TENM2: variants seen among roughly 807,000 people sequenced by gnomAD.
The protein encoded by TENM2 is teneurin-2.
A neutral mutation model predicts 245.2 loss-of-function variants in TENM2; 52 were observed. That is an observed-to-expected ratio of 0.21 (90% CI 0.17 to 0.27). The LOEUF (loss-of-function observed/expected upper bound fraction) is 0.27. Ranked by LOEUF, TENM2 falls within the 10% of genes least tolerant of loss-of-function variation. The pLI is 1.00. For missense variants in TENM2, 3,046 were observed against 3,666.8 expected (o/e 0.83, Z 4.37); for synonymous variants, 1,363 against 1,438.9 (o/e 0.95, Z 1.19).
At chr5:168,191,992 T>C (rs1761005684) in intron 14 of TENM2, among the ~76,000 whole-genome samples, 1 of 152,130 alleles carries the variant, frequency 6.6e-6, no homozygotes. Context: ...TCGTTTTTAC[T>C]AAAAATAAAA....
chr5:166,994,083 C>T, the TENM2 span, among the ~76,000 whole-genome samples: 1 of 152,160 alleles, frequency 6.6e-6, no homozygotes, highest in Non-Finnish European at 1.5e-5. Context: ...ATCATACCTA[C>T]ACAGCTGTGT....
the TENM2 span, among the ~76,000 whole-genome samples, chr5:167,276,061 G>A: frequency 6.6e-6 from 1 of 151,932 alleles, no homozygotes; most frequent in Non-Finnish European, 1.5e-5. Flanking sequence ...TTTGTTCATG[G>A]TGTGTAATTG....
At chr5:167,520,920 T>C (rs1003540202) in intron 2 of TENM2, among the ~76,000 whole-genome samples, 1 of 146,110 alleles carries the variant, frequency 6.8e-6, no homozygotes, top group Non-Finnish European at 1.5e-5. Context: ...CTTTTTCCAT[T>C]TATTCTTTTT....
At chr5:167,184,632 C>T in the TENM2 span, among the ~76,000 whole-genome samples, 1 of 152,086 alleles carries the variant, frequency 6.6e-6, no homozygotes, top group African/African-American at 2.4e-5. Flanking sequence ...GAACATAGCC[C>T]AGCTCTGTGT....
chr5:167,832,550 T>C (rs1209637456), intron 2 of TENM2, among the ~76,000 whole-genome samples: 2 of 152,230 alleles, frequency 1.3e-5, no homozygotes, highest in Non-Finnish European at 2.9e-5. Flanking sequence ...TAATTCATTA[T>C]GTCTGTGCAT....
rs71853736 is a variant in TENM2 at position 167,900,111 on chromosome 5, T to TAAAAAAAAAAAAAAAA, written c.712+23923_712+23938dup. Among the ~76,000 whole-genome samples, 32 of 43,464 alleles carry TAAAAAAAAAAAAAAAA rather than the reference T, an allele frequency of 7.4e-4. 5 individuals are homozygous for TAAAAAAAAAAAAAAAA. The highest frequency in any genetic ancestry group is 3.8e-3 in the African/African-American group (32 of 8,314). The allele number at this position is 43,464 out of a possible 152,430, so 28.5% of individuals were successfully genotyped here. On this transcript the variant is annotated intron_variant, in intron 3 of 28. Coordinates refer to ENST00000518659, the Ensembl canonical transcript of TENM2. ...CTTTCTGTCTGTGCCCTCAACCCACTAAAAAAAAAAAAAAAAAAAAAAGGG... is the reference window on the plus strand; with the variant it reads ...CTTTCTGTCTGTGCCCTCAACCCACTAAAAAAAAAAAAAAAAAAAAAAAAAAAAAAAAAAAAAAGGG...
At chr5:167,964,094 G>A (rs1781213088) in intron 4 of TENM2, among the ~76,000 whole-genome samples, 1 of 152,180 alleles carries the variant, frequency 6.6e-6, no homozygotes, top group African/African-American at 2.4e-5. Flanking sequence ...CCTATTCACA[G>A]AAGGTTTTGA....
At chr5:167,038,053 G>A in the TENM2 span, among the ~76,000 whole-genome samples, 1 of 152,216 alleles carries the variant, frequency 6.6e-6, no homozygotes, top group Non-Finnish European at 1.5e-5. Context: ...GGCAGAACAG[G>A]TACAGGAGAA....
At chr5:167,272,279 G>A in the TENM2 span, among the ~76,000 whole-genome samples, 2 of 152,252 alleles carry the variant, frequency 1.3e-5, no homozygotes, top group African/African-American at 2.4e-5. Flanking sequence ...CACTGTTTTC[G>A]GGTTGACTTA....
chr5:167,808,468 C>T, intron 2 of TENM2, among the ~76,000 whole-genome samples: 1 of 152,150 alleles, frequency 6.6e-6, no homozygotes, highest in Admixed American at 6.5e-5. Context: ...CCATGTTGGC[C>T]AGGCTGGTCT....
intron 2 of TENM2, among the ~76,000 whole-genome samples, chr5:167,690,920 AGTATGTGT>A (rs1204889652): frequency 0.026 from 3,538 of 136,496 alleles, 134 homozygotes; most frequent in African/African-American, 0.068. Context: ...CGTATATGCG[AGTATGTGT>A]GTGTGTGTGT....
intron 4 of TENM2, among the ~76,000 whole-genome samples, chr5:167,992,176 C>T (rs1197745619): frequency 6.6e-6 from 1 of 152,028 alleles, no homozygotes; most frequent in Non-Finnish European, 1.5e-5. Flanking sequence ...GTGGACACTG[C>T]TCTGATGACA....
intron 3 of TENM2, among the ~76,000 whole-genome samples, chr5:167,934,428 C>T (rs891610453): frequency 6.6e-6 from 1 of 152,132 alleles, no homozygotes; most frequent in African/African-American, 2.4e-5. Context: ...GGCTTCAGAC[C>T]ATACCTCATC....
At chr5:168,003,808 G>C (rs1784595523) in intron 5 of TENM2, among the ~76,000 whole-genome samples, 2 of 152,220 alleles carry the variant, frequency 1.3e-5, no homozygotes, top group South Asian at 4.1e-4. Context: ...TGAGTTTATA[G>C]ACACAGCGGA....
intron 1 of TENM2, among the ~76,000 whole-genome samples, chr5:167,338,745 T>C (rs980619629): frequency 1.3e-5 from 2 of 152,094 alleles, no homozygotes; most frequent in African/African-American, 4.8e-5. Context: ...TAACAGAAAT[T>C]TATTTGTTCA....
At chr5:167,439,645 A>G (rs183749284) in intron 2 of TENM2, among the ~76,000 whole-genome samples, 62 of 152,352 alleles carry the variant, frequency 4.1e-4, no homozygotes, top group Middle Eastern at 3.4e-3. Flanking sequence ...ACATGCACGA[A>G]TAATACAATG....
At chr5:167,523,542 A>G (rs1257203457) in intron 2 of TENM2, among the ~76,000 whole-genome samples, 1 of 152,126 alleles carries the variant, frequency 6.6e-6, no homozygotes, top group Non-Finnish European at 1.5e-5. Context: ...CTACGTGTTT[A>G]TGTGTAAAAT....
rs111894853 is a variant in TENM2 at position 167,500,323 on chromosome 5, A to G, written c.502+124850A>G. Among the ~76,000 whole-genome samples the G allele has an allele frequency of 2.3e-3, 355 of 152,212 alleles. 2 individuals carry two copies. The highest frequency in any genetic ancestry group is 8.3e-3 in the African/African-American group (344 of 41,532). On this transcript the variant is annotated intron_variant, in intron 2 of 28. Transcript: ENST00000518659. ...CAGCCTTTGAAGTTTCCATCCAGTG[A>G]ATATAACCCTAAAATATGAATGTCC...
At chr5:167,257,580 C>T in the TENM2 span, among the ~76,000 whole-genome samples, 10 of 150,268 alleles carry the variant, frequency 6.7e-5, no homozygotes, top group Non-Finnish European at 1.5e-5. Flanking sequence ...TGAGGCGAAG[C>T]GAAGAGTCTA....
Sources: gnomAD v4.1 joint callset for allele counts (sites outside exome capture counted in the v4.1 genomes callset) on GRCh38, gnomAD v4.1.1 for gene constraint, MANE v1.5 for transcripts, NCBI Gene and HGNC (gene_info 2026-07-23, HGNC 2026-07-21) for gene names.